The following CREBBP variants were observed in gnomAD, a reference collection of about 807,000 sequenced individuals.
CREBBP encodes CREB-binding protein.
A neutral mutation model predicts 265.0 loss-of-function variants in CREBBP; 19 were observed. The observed-to-expected ratio is 0.07, with a 90% CI of 0.05 to 0.11. CREBBP has a LOEUF of 0.11. CREBBP is among the 10% of genes least tolerant of loss of function. The probability of loss-of-function intolerance (pLI) is 1.00; values close to 1 mark genes in which losing one functional copy is unlikely to be tolerated. For synonymous variants in CREBBP, 1,457 were observed against 1,223.7 expected (o/e 1.19, Z -3.98); for missense variants, 2,525 against 3,219.0 (o/e 0.78, Z 5.22).
intron 16 of CREBBP, among the ~76,000 whole-genome samples, chr16:3,762,539 T>C (rs990540689): frequency 2.0e-5 from 3 of 151,880 alleles, no homozygotes; most frequent in Admixed American, 6.6e-5. Context: ...AGATCCCATA[T>C]GTGCAGAAGT....
At chr16:3,802,202 G>A (rs2141316308) in intron 3 of CREBBP, among the ~76,000 whole-genome samples, 1 of 122,636 alleles carries the variant, frequency 8.2e-6, no homozygotes, top group African/African-American at 3.2e-5. Flanking sequence ...CATGATCTCG[G>A]CTCACTGCAA....
chr16:3,763,456 C>A (rs1367585384), intron 16 of CREBBP, among the ~76,000 whole-genome samples: 3 of 152,080 alleles, frequency 2.0e-5, no homozygotes, highest in African/African-American at 4.8e-5. Flanking sequence ...CCCCAAAGCC[C>A]AGCCTGAAAC....
chr16:3,843,133 C>T (rs1375323903), intron 2 of CREBBP, among the ~76,000 whole-genome samples: 1 of 152,072 alleles, frequency 6.6e-6, no homozygotes, highest in South Asian at 2.1e-4. Context: ...GTAAAACTTA[C>T]GAAAGAACAG....
Position 3,729,584 on chromosome 16 carries a change from C to T in CREBBP, c.5463G>A (p.Gln1821=), listed in dbSNP as rs2151310589. The change falls in exon 31 of 31, where the codon CAG becomes CAA. Residue 1821 remains glutamine (Q), a synonymous_variant. Transcript: ENST00000262367. ...KTNGGCPVCK[Q]LIALCCYHAK... ...CGTGGTAGCAGCAGAGGGCGATGAG[C>T]TGCTTGCACACCGGGCAGCCCCCGT... 5 of 1,614,208 alleles carry T rather than the reference C, an allele frequency of 3.1e-6. No individual in the cohort carries two copies. Among genetic ancestry groups the T allele is most frequent in the Non-Finnish European group, 4.2e-6 (5 of 1,180,022 alleles).
In CREBBP at chr16:3,725,780, T is replaced by C. The variant is rs938413659; in HGVS notation, c.*1938A>G. The C allele has an allele frequency of 4.3e-6, 1 of 233,136 alleles. No homozygotes were observed. Among genetic ancestry groups the C allele is most frequent in the Non-Finnish European group, 8.5e-6 (1 of 118,022 alleles). 14.4% of individuals were successfully genotyped at this position (233,136 alleles called of 1,614,324 possible). A position where few individuals can be genotyped will look rare whatever the true frequency, so the allele number is the denominator to read the frequency against. Reference sequence around the variant, plus strand: ...AGTATTCAGCTATTTAAAACCTATCTGTGAATGTAAGGGCCCAAACGGAAG... The same window carrying C: ...AGTATTCAGCTATTTAAAACCTATCCGTGAATGTAAGGGCCCAAACGGAAG... On this transcript the variant is annotated 3_prime_UTR_variant, in exon 31 of 31. Transcript: ENST00000262367.
At chr16:3,777,752 A>C in intron 10 of CREBBP, 95 bp from the exon 11 acceptor site, 11 of 1,462,010 alleles carry the variant, frequency 7.5e-6, no homozygotes, top group Non-Finnish European at 1.0e-5. Flanking sequence ...AGGACTTCAA[A>C]CTTAAAAGGG....
At chr16:3,761,695 G>A (rs1033612415) in intron 16 of CREBBP, 7 of 450,166 alleles carry the variant, frequency 1.6e-5, no homozygotes, top group Admixed American at 4.8e-5. Context: ...CCACGCACAC[G>A]GTCCCCAGCA....
rs188498390 is a variant in CREBBP, at chr16:3,869,870, A to C, written c.85+9962T>G. ...CAGTGACTGAGAAAGCCATCAGTGA[A>C]AGCAAAACACTTGATTCTCTTGCCA... On this transcript the variant is annotated intron_variant, in intron 1 of 30. Coordinates refer to ENST00000262367, the MANE Select transcript of CREBBP (RefSeq NM_004380.3). Among the ~76,000 whole-genome samples the C allele has an allele frequency of 6.0e-4, 92 of 152,288 alleles. 1 individual carries two copies. The highest frequency in any genetic ancestry group is 2.0e-3 in the Admixed American group (30 of 15,300).
chr16:3,730,634 C>A (rs2051888963), intron 30 of CREBBP: 1 of 164,888 alleles, frequency 6.1e-6, no homozygotes, highest in African/African-American at 2.4e-5. Flanking sequence ...AAGGCCCTCG[C>A]TCTGCTGAGG....
intron 2 of CREBBP, among the ~76,000 whole-genome samples, chr16:3,830,517 CATA>C: frequency 6.6e-6 from 1 of 152,164 alleles, no homozygotes; most frequent in East Asian, 1.9e-4. Flanking sequence ...ACAAATATTT[CATA>C]ATGATAAAAG....
intron 1 of CREBBP, among the ~76,000 whole-genome samples, chr16:3,859,183 A>G (rs2055022442): frequency 6.6e-6 from 1 of 152,054 alleles, no homozygotes; most frequent in Admixed American, 6.6e-5. Context: ...TCTCCAAAAT[A>G]GAATTTTTAT....
rs536871422 is a variant in CREBBP, at chr16:3,825,456, T to C, written c.799-14677A>G. Among the ~76,000 whole-genome samples the C allele has an allele frequency of 8.8e-4, 134 of 152,330 alleles. 1 individual carries two copies. The highest frequency in any genetic ancestry group is 3.4e-3 in the Middle Eastern group (1 of 294). On this transcript the variant is annotated intron_variant, in intron 2 of 30. Coordinates refer to ENST00000262367, the MANE Select transcript of CREBBP (RefSeq NM_004380.3). ...TATCTATGGAAGTATGGCCTTGGAA[T>C]TGCAATTAGTTGATAAGCATTTATA...
Position 3,874,148 on chromosome 16 carries a change from C to T in CREBBP, c.85+5684G>A, listed in dbSNP as rs186556969. Among the ~76,000 whole-genome samples the T allele has an allele frequency of 4.6e-5, 7 of 152,324 alleles. No individual in the cohort carries two copies. In the East Asian group the frequency reaches 1.3e-3, roughly 29 times the overall value. ...AACAAAGAAAAATGCAACCGGTCACCAGGCTTTCTGATAAATTCGTCTGAT... is the reference window on the plus strand; with the variant it reads ...AACAAAGAAAAATGCAACCGGTCACTAGGCTTTCTGATAAATTCGTCTGAT... On this transcript the variant is annotated intron_variant, in intron 1 of 30. Coordinates refer to ENST00000262367, the MANE Select transcript of CREBBP (RefSeq NM_004380.3).
chr16:3,840,694 T>A (rs2054548850), intron 2 of CREBBP: 1 of 160,134 alleles, frequency 6.2e-6, no homozygotes, highest in Non-Finnish European at 1.4e-5. Flanking sequence ...TCTCTTCCCC[T>A]CTACCAGAAG....
intron 2 of CREBBP, among the ~76,000 whole-genome samples, chr16:3,837,607 C>T (rs2054479938): frequency 6.6e-6 from 1 of 150,506 alleles, no homozygotes. Flanking sequence ...CACAGCAAGA[C>T]TGTCTCAAAA....
At chr16:3,849,471 G>GA (rs2054776084) in intron 2 of CREBBP, among the ~76,000 whole-genome samples, 1 of 127,286 alleles carries the variant, frequency 7.9e-6, no homozygotes, top group East Asian at 2.5e-4. Flanking sequence ...GTGTGTGTGT[G>GA]TGTGTGTGTG....
chr16:3,817,461 G>A lies in CREBBP; in HGVS notation c.799-6682C>T, dbSNP rs78012070. Among the ~76,000 whole-genome samples, 205 of 150,190 alleles carry A rather than the reference G, an allele frequency of 1.4e-3. 1 individual carries two copies. Among genetic ancestry groups the A allele is most frequent in the African/African-American group, 4.4e-3 (184 of 41,474 alleles). On this transcript the variant is annotated intron_variant, in intron 2 of 30. Transcript: ENST00000262367. Reference sequence around the variant, plus strand: ...AAAGATTCTCTCCACTCACTAACCAGGAGAATCTCTCTACTACTCACCTAA... The same window carrying A: ...AAAGATTCTCTCCACTCACTAACCAAGAGAATCTCTCTACTACTCACCTAA...
At chr16:3,808,518 G>A (rs1287350143) in intron 3 of CREBBP, among the ~76,000 whole-genome samples, 2 of 152,256 alleles carry the variant, frequency 1.3e-5, no homozygotes, top group Non-Finnish European at 2.9e-5. Context: ...CAGCCCTGCT[G>A]CAGGTGAAGG....
rs781659306 is a variant in CREBBP, at chr16:3,778,816, C to A, written c.1825G>T (p.Val609Phe). The A allele has an allele frequency of 6.2e-7, 1 of 1,612,910 alleles. No homozygotes were observed. The highest frequency in any genetic ancestry group is 8.5e-7 in the Non-Finnish European group (1 of 1,179,094). Residue 609 changes from valine (V) to phenylalanine (F), a missense_variant and splice_region_variant, in exon 9 of 31, where the codon GTC becomes TTC. By Grantham distance (50) the Val-to-Phe change is conservative. Coordinates refer to ENST00000262367, the MANE Select transcript of CREBBP (RefSeq NM_004380.3). ...DLRSHLVHKLVQAIFPTPDPA... is the reference protein window; with the variant it reads ...DLRSHLVHKLFQAIFPTPDPA... ...TCAGGTGTTGGGAAGATGGCTTGGA[C>A]GCTGAAAGGATAACACATCTATCAA...
Sources: allele counts gnomAD v4.1 joint callset (sites outside exome capture counted in the v4.1 genomes callset), GRCh38; gene constraint gnomAD v4.1.1; transcripts MANE v1.5; gene names NCBI Gene and HGNC (gene_info 2026-07-23, HGNC 2026-07-21).